BLACAT1: variants seen among roughly 807,000 people sequenced by gnomAD.
The protein encoded by BLACAT1 is BLACAT1 overlapping LEMD1 locus, also known as bladder cancer associated transcript 1.
downstream of BLACAT1, chr1:205,436,328 C>G (rs1666203748): frequency 1.3e-5 from 2 of 152,180 alleles, no homozygotes; most frequent in Non-Finnish European, 2.9e-5. Flanking sequence ...CCAGGGATGC[C>G]CTGGGCAGCT....
At chr1:205,449,623 C>T (rs1321538917) in intron 1 of BLACAT1, among the ~76,000 whole-genome samples, 5 of 152,012 alleles carry the variant, frequency 3.3e-5, no homozygotes, top group Non-Finnish European at 4.4e-5. Context: ...GCACGCCCCT[C>T]CACACACTCC....
chr1:205,452,703 C>G (rs565336102), intron 1 of BLACAT1, among the ~76,000 whole-genome samples: 1 of 152,212 alleles, frequency 6.6e-6, no homozygotes, highest in South Asian at 2.1e-4. Context: ...ACTTATGTAC[C>G]CTTTGCAGGG....
chr1:205,443,812 C>T (rs2102469082), intron 1 of BLACAT1, among the ~76,000 whole-genome samples: 1 of 152,316 alleles, frequency 6.6e-6, no homozygotes, highest in Middle Eastern at 3.4e-3. Flanking sequence ...GGACATGGGG[C>T]AGAGAATTCC....
In BLACAT1 at chr1:205,441,186, C is replaced by T. The variant is rs1041207860; in HGVS notation, c.-36-124G>A. The T allele has an allele frequency of 1.3e-5, 2 of 152,290 alleles. No homozygotes were observed. The highest frequency in any genetic ancestry group is 4.8e-5 in the African/African-American group (2 of 41,416). 9.4% of individuals were successfully genotyped at this position (152,290 alleles called of 1,614,324 possible). A position where few individuals can be genotyped will look rare whatever the true frequency, so the allele number is the denominator to read the frequency against. ...AGTCATTGCCACTCCCTGAGGCGGC[C>T]CGCTAGGTCTCTCACACCGGCTGGG... On this transcript the variant is annotated intron_variant, in intron 1 of 1. Coordinates refer to ENST00000629624, the Ensembl canonical transcript of BLACAT1. This position sits in a 1 kb window ranked among gnomAD's most constrained non-coding sequence, Gnocchi z 4.3.
chr1:205,446,291 A>AGCCCCAGCAAAGCGAG (rs1666386992), intron 1 of BLACAT1, among the ~76,000 whole-genome samples: 1 of 152,254 alleles, frequency 6.6e-6, no homozygotes, highest in Non-Finnish European at 1.5e-5. Flanking sequence ...ATCCAGGCCC[A>AGCCCCAGCAAAGCGAG]GCCCCAGCAA....
rs1404330698 is a variant in BLACAT1, at chr1:205,450,380, GC to G, written c.-37+5536del. On this transcript the variant is annotated intron_variant, in intron 1 of 1. Transcript: ENST00000629624. This position sits in a 1 kb window ranked among gnomAD's most constrained non-coding sequence, Gnocchi z 4.4. ...TTCCTTCCCCTGCCGCTCCCCTCCA[GC>G]TTTTTTATAGTTTAATTTTTGGCAG... Among the ~76,000 whole-genome samples the G allele has an allele frequency of 7.4e-6, 1 of 135,702 alleles. No homozygotes were observed. The highest frequency in any genetic ancestry group is 1.6e-5 in the Non-Finnish European group (1 of 64,104). The allele number at this position is 135,702 out of a possible 152,430, so 89.0% of individuals were successfully genotyped here.
intron 1 of BLACAT1, among the ~76,000 whole-genome samples, chr1:205,446,894 G>A (rs960664325): frequency 6.6e-6 from 1 of 152,226 alleles, no homozygotes; most frequent in Non-Finnish European, 1.5e-5. Context: ...CAGCTGGCTT[G>A]GGATTTCTCT....
rs1301647469 is a variant in BLACAT1, at chr1:205,441,639, T to G, written c.-36-577A>C. 6.6e-6 allele frequency among the ~76,000 whole-genome samples: 1 copy of G among 152,168 alleles called. No individual in the cohort carries two copies. The highest frequency in any genetic ancestry group is 1.5e-5 in the Non-Finnish European group (1 of 68,026). ...CCTAGGAAAGCCTATAGGGAGCAAT[T>G]ATACCCTTCCTTTGACTGCTCAGGG... On this transcript the variant is annotated intron_variant, in intron 1 of 1. Transcript: ENST00000629624. This position sits in a 1 kb window ranked among gnomAD's most constrained non-coding sequence, Gnocchi z 4.3.
intron 1 of BLACAT1, among the ~76,000 whole-genome samples, chr1:205,455,381 C>T (rs1004413186): frequency 2.0e-4 from 31 of 152,068 alleles, no homozygotes. Flanking sequence ...GTGGTTTGGC[C>T]CACGGACATG....
At chr1:205,439,671 G>C (rs539004423), downstream of BLACAT1, among the ~76,000 whole-genome samples, 1 of 152,146 alleles carries the variant, frequency 6.6e-6, no homozygotes, top group East Asian at 1.9e-4. Flanking sequence ...TTCTGTCCCT[G>C]GGGAGCTAGA....
intron 1 of BLACAT1, among the ~76,000 whole-genome samples, chr1:205,444,281 A>G (rs1456569404): frequency 1.3e-5 from 2 of 152,158 alleles, no homozygotes; most frequent in Non-Finnish European, 2.9e-5. Context: ...TCTGACTGCA[A>G]GCTGTTGGCC....
downstream of BLACAT1, chr1:205,436,299 C>T (rs955829966): frequency 6.6e-6 from 1 of 152,188 alleles, no homozygotes; most frequent in African/African-American, 2.4e-5. Flanking sequence ...CAATTTCTTC[C>T]TCAGTATGAC....
At chr1:205,453,031 T>A (rs1022007738) in intron 1 of BLACAT1, among the ~76,000 whole-genome samples, 1 of 151,740 alleles carries the variant, frequency 6.6e-6, no homozygotes, top group Non-Finnish European at 1.5e-5. Context: ...CTGGAACAGG[T>A]TATGGGGTGT....
In BLACAT1 at chr1:205,448,987, C is replaced by A. The variant is rs1443110690; in HGVS notation, c.-37+6930G>T. Among the ~76,000 whole-genome samples the A allele has an allele frequency of 2.6e-5, 4 of 152,040 alleles. No homozygotes were observed. The highest frequency in any genetic ancestry group is 4.4e-5 in the Non-Finnish European group (3 of 68,000). ...TACCCAGACCAGTCTGGGTGGTTAC[C>A]GACAACACCCATTCTTGCATAGTTT... is the stretch of plus-strand genomic sequence containing the variant. On this transcript the variant is annotated intron_variant, in intron 1 of 1. Coordinates refer to ENST00000629624, the Ensembl canonical transcript of BLACAT1. The surrounding 1 kb of genome is among the most constrained non-coding windows in gnomAD (Gnocchi z 4.7).
rs1016151489 is a variant in BLACAT1, at chr1:205,448,943, G to T, written c.-37+6974C>A. 5.3e-5 allele frequency among the ~76,000 whole-genome samples: 8 copies of T among 152,124 alleles called. No homozygotes were observed. The highest frequency in any genetic ancestry group is 1.7e-4 in the African/African-American group (7 of 41,430). On this transcript the variant is annotated intron_variant, in intron 1 of 1. Coordinates refer to ENST00000629624, the Ensembl canonical transcript of BLACAT1. The surrounding 1 kb of genome is among the most constrained non-coding windows in gnomAD (Gnocchi z 4.7). ...AATAGGTTTCTTGAGTGCCCCCAGGGGTGGGGGCTGGGCCAACCTACCCAG... is the reference window on the plus strand; with the variant it reads ...AATAGGTTTCTTGAGTGCCCCCAGGTGTGGGGGCTGGGCCAACCTACCCAG...
At chr1:205,442,431 T>C (rs992802381) in intron 1 of BLACAT1, among the ~76,000 whole-genome samples, 1 of 152,238 alleles carries the variant, frequency 6.6e-6, no homozygotes, top group Non-Finnish European at 1.5e-5. Context: ...CTCTGGACAG[T>C]TCCACTGGTC....
chr1:205,454,547 TGTGA>T (rs1347767090), intron 1 of BLACAT1, among the ~76,000 whole-genome samples: 4 of 150,968 alleles, frequency 2.6e-5, no homozygotes, highest in South Asian at 4.2e-4. Context: ...TGTGTGTGTG[TGTGA>T]GAGAGAGAGA....
intron 1 of BLACAT1, among the ~76,000 whole-genome samples, chr1:205,442,076 T>C (rs1030502370): frequency 6.6e-6 from 1 of 152,062 alleles, no homozygotes; most frequent in African/African-American, 2.4e-5. Context: ...CCTGGGCCTA[T>C]GGAAAGGGAG....
At chr1:205,442,926 G>A (rs1182565110) in intron 1 of BLACAT1, among the ~76,000 whole-genome samples, 1 of 152,128 alleles carries the variant, frequency 6.6e-6, no homozygotes, top group African/African-American at 2.4e-5. Flanking sequence ...GTCATCCTAA[G>A]CAAGTGGCTA....
Sources: gnomAD v4.1 joint callset for allele counts (sites outside exome capture counted in the v4.1 genomes callset) on GRCh38, gnomAD v4.1.1 for gene constraint, Gnocchi (gnomAD v3.1) non-coding constraint, MANE v1.5 for transcripts, NCBI Gene and HGNC (gene_info 2026-07-23, HGNC 2026-07-21) for gene names.